ENPP6: variants seen among roughly 807,000 people sequenced by gnomAD.
The protein encoded by ENPP6 is glycerophosphocholine cholinephosphodiesterase ENPP6.
Under a neutral mutation model 42.0 loss-of-function variants are expected in ENPP6, and 32 were observed. That is an observed-to-expected ratio of 0.76 (90% CI 0.58 to 1.02). The LOEUF is 1.02. Among genes scored for constraint, ENPP6 ranks in the 50% least tolerant of loss-of-function variants. The pLI is 0.00. For missense variants in ENPP6, 552 were observed against 566.8 expected (o/e 0.97, Z 0.27); for synonymous variants, 213 against 216.0 (o/e 0.99, Z 0.12).
Position 184,090,805 on chromosome 4 carries a change from T to C in ENPP6, c.*372A>G, listed in dbSNP as rs754699719. 1.4e-3 allele frequency: 551 copies of C among 388,652 alleles called. 3 individuals are homozygous for C. Among genetic ancestry groups the C allele is most frequent in the Non-Finnish European group, 2.2e-3 (492 of 218,794 alleles). The allele number at this position is 388,652 out of a possible 1,614,324, so 24.1% of individuals were successfully genotyped here. On this transcript the variant is annotated 3_prime_UTR_variant, in exon 8 of 8. Transcript: ENST00000296741. ...AAGGGCCTGGTCTGAGGGGGTCCTT[T>C]GTGCAAGGTGGGACAGAGAGGGGCC...
intron 1 of ENPP6, among the ~76,000 whole-genome samples, chr4:184,173,385 C>A (rs1737507278): frequency 6.6e-6 from 1 of 152,214 alleles, no homozygotes; most frequent in Admixed American, 6.5e-5. Flanking sequence ...CCCCTTCATT[C>A]CTGACCTATT....
intron 1 of ENPP6, among the ~76,000 whole-genome samples, chr4:184,170,194 C>T (rs1280427176): frequency 2.0e-5 from 3 of 152,218 alleles, no homozygotes; most frequent in Non-Finnish European, 4.4e-5. Flanking sequence ...CTTTGGGAGG[C>T]CAAGGCTGGC....
intron 2 of ENPP6, among the ~76,000 whole-genome samples, chr4:184,131,189 CTTT>C (rs1736611861): frequency 1.5e-5 from 1 of 66,580 alleles, no homozygotes; most frequent in Non-Finnish European, 3.1e-5. Flanking sequence ...TTCTTTCTTT[CTTT>C]CTTTCTTTCT....
intron 1 of ENPP6, among the ~76,000 whole-genome samples, chr4:184,168,628 C>G (rs1459160304): frequency 2.6e-5 from 4 of 152,228 alleles, no homozygotes; most frequent in Admixed American, 1.3e-4. Flanking sequence ...TTCACCACCG[C>G]CCGCAGCCGT....
At chr4:184,205,776 G>A (rs1732986343) in intron 1 of ENPP6, among the ~76,000 whole-genome samples, 2 of 152,336 alleles carry the variant, frequency 1.3e-5, no homozygotes, top group South Asian at 4.1e-4. Context: ...GGAGGTTGGG[G>A]GAGGAGAGGC....
At position 184,117,055 on chromosome 4, in the gene ENPP6, A is replaced by G. The variant is rs201389966; in HGVS notation, c.676-20T>C. On this transcript the variant is annotated intron_variant, in intron 4 of 7. Coordinates refer to ENST00000296741, the MANE Select transcript of ENPP6 (RefSeq NM_153343.4). ...CCGCTCCTGTGGGGTGGGAAAAGAC[A>G]GTCATTACGGCACCAACAGAGAGGC... The G allele has an allele frequency of 9.3e-6, 15 of 1,614,060 alleles. No homozygotes were observed. In the East Asian group the frequency reaches 1.1e-4, roughly 12 times the overall value.
rs543843235 is a variant in ENPP6, at chr4:184,117,823, G to A, written c.611C>T (p.Pro204Leu). The change falls in exon 4 of 8, where the codon CCG (proline) becomes CTG (leucine). Residue 204 changes from proline (P) to leucine (L), a missense_variant. Physicochemically the swap from Pro to Leu is moderately conservative, Grantham distance 98 (BLOSUM62 -3). Coordinates refer to ENST00000296741, the MANE Select transcript of ENPP6 (RefSeq NM_153343.4). The part of the protein sequence containing the change: ...VEGHHYGPAS[P>L]QRKDALKAVD... ...AGCCTTGAGGGCATCTTTCCTCTGC[G>A]GAGATGCAGGCCCGTAGTGGTGGCC... 1.8e-5 allele frequency: 29 copies of A among 1,614,264 alleles called. No individual in the cohort carries two copies. The highest frequency in any genetic ancestry group is 6.6e-5 in the South Asian group (6 of 91,090).
chr4:184,190,615 T>C (rs1732700777), intron 1 of ENPP6, among the ~76,000 whole-genome samples: 2 of 152,190 alleles, frequency 1.3e-5, no homozygotes, highest in African/African-American at 4.8e-5. Context: ...CTTTAAAACA[T>C]ATACAAGGAG....
At chr4:184,215,547 C>G (rs73872824) in intron 1 of ENPP6, among the ~76,000 whole-genome samples, 9,491 of 152,208 alleles carry the variant, frequency 0.062, 360 homozygotes, top group African/African-American at 0.11. Flanking sequence ...AATTCTGCTT[C>G]AAGTCTGCAA....
intron 2 of ENPP6, among the ~76,000 whole-genome samples, chr4:184,139,250 C>T (rs1394921320): frequency 6.6e-6 from 1 of 151,934 alleles, no homozygotes; most frequent in Non-Finnish European, 1.5e-5. Context: ...ATGACAATGG[C>T]AAAGAAATGG....
intron 1 of ENPP6, among the ~76,000 whole-genome samples, chr4:184,208,729 G>A (rs1733049575): frequency 6.8e-6 from 1 of 147,206 alleles, no homozygotes; most frequent in South Asian, 2.2e-4. Flanking sequence ...GAACTGGGTG[G>A]AGCCCACCAC....
chr4:184,159,253 C>T (rs1737224325), intron 1 of ENPP6, among the ~76,000 whole-genome samples: 1 of 152,150 alleles, frequency 6.6e-6, no homozygotes, highest in Non-Finnish European at 1.5e-5. Flanking sequence ...AGCAAATTTG[C>T]TCATATTCTT....
intron 1 of ENPP6, among the ~76,000 whole-genome samples, chr4:184,181,227 G>A (rs1441920461): frequency 6.6e-6 from 1 of 152,134 alleles, no homozygotes; most frequent in Non-Finnish European, 1.5e-5. Context: ...TAGACCAGCA[G>A]AGAGCCAAAT....
intron 1 of ENPP6, among the ~76,000 whole-genome samples, chr4:184,159,490 A>G (rs1246501117): frequency 6.6e-6 from 1 of 152,236 alleles, no homozygotes; most frequent in East Asian, 1.9e-4. Flanking sequence ...TGTTATTTGC[A>G]TAGTGATAAA....
At chr4:184,113,310 T>C (rs890686900) in intron 5 of ENPP6, among the ~76,000 whole-genome samples, 4 of 152,236 alleles carry the variant, frequency 2.6e-5, no homozygotes, top group African/African-American at 9.6e-5. Flanking sequence ...TCTATATTTC[T>C]TATTATAGTT....
chr4:184,121,713 G>C (rs949119260), intron 3 of ENPP6, among the ~76,000 whole-genome samples: 2 of 152,214 alleles, frequency 1.3e-5, no homozygotes, highest in Non-Finnish European at 2.9e-5. Context: ...ATTCCTTTGA[G>C]CCACATGATT....
chr4:184,208,224 C>A (rs978728314), intron 1 of ENPP6, among the ~76,000 whole-genome samples: 2 of 152,024 alleles, frequency 1.3e-5, no homozygotes, highest in Non-Finnish European at 2.9e-5. Flanking sequence ...TTTTAAGATT[C>A]AGTGGGAGGA....
intron 1 of ENPP6, among the ~76,000 whole-genome samples, chr4:184,178,958 C>T (rs982314699): frequency 4.6e-5 from 7 of 152,174 alleles, no homozygotes; most frequent in African/African-American, 1.4e-4. Flanking sequence ...TATGAAGCAA[C>T]TACATCAACA....
intron 1 of ENPP6, among the ~76,000 whole-genome samples, chr4:184,182,732 T>C (rs563472577): frequency 6.6e-6 from 1 of 152,256 alleles, no homozygotes; most frequent in Non-Finnish European, 1.5e-5. Flanking sequence ...CTGGAAGCCA[T>C]TATCCTCAGC....
Sources: allele counts gnomAD v4.1 joint callset (sites outside exome capture counted in the v4.1 genomes callset), GRCh38; gene constraint gnomAD v4.1.1; transcripts MANE v1.5; gene names NCBI Gene and HGNC (gene_info 2026-07-23, HGNC 2026-07-21).